Variants in SH3D19 observed in about 807,000 individuals in gnomAD.
The protein encoded by SH3D19 is SH3 domain-containing protein 19.
Under a neutral mutation model 112.1 loss-of-function variants are expected in SH3D19, and 58 were observed. That is an observed-to-expected ratio of 0.52 (90% CI 0.42 to 0.64). The LOEUF (loss-of-function observed/expected upper bound fraction) is 0.64, where lower values mean the gene tolerates loss of function less well. Among genes scored for constraint, SH3D19 ranks in the 30% least tolerant of loss-of-function variants. The pLI is 0.00. For missense variants in SH3D19, 1,090 were observed against 1,263.4 expected (o/e 0.86, Z 2.08); for synonymous variants, 391 against 448.5 (o/e 0.87, Z 1.62).
At chr4:151,138,258 G>A (rs890243818) in intron 13 of SH3D19, among the ~76,000 whole-genome samples, 1 of 152,130 alleles carries the variant, frequency 6.6e-6, no homozygotes, top group South Asian at 2.1e-4. Context: ...TATTAACTAA[G>A]GGAGTACTAC....
In SH3D19 at chr4:151,149,487, C is replaced by G; in HGVS notation, c.1817+13G>C. ...TCATTAATTTTTCTCTAACTTTTCC[C>G]ACATTTACTTACCTCGGTGGCAACC... On this transcript the variant is annotated intron_variant, in intron 10 of 19. Transcript: ENST00000604030. 2 of 1,606,770 alleles carry G rather than the reference C, an allele frequency of 1.2e-6. No individual in the cohort carries two copies. Among genetic ancestry groups the G allele is most frequent in the Non-Finnish European group, 1.7e-6 (2 of 1,175,580 alleles).
chr4:151,241,943 AGCATTTTGGGAG>A (rs1770590202), intron 1 of SH3D19, among the ~76,000 whole-genome samples: 1 of 152,150 alleles, frequency 6.6e-6, no homozygotes, highest in Non-Finnish European at 1.5e-5. Flanking sequence ...CTGTAATCCC[AGCATTTTGGGAG>A]GCTGCGGTGT....
chr4:151,164,068 A>T (rs1757584726), intron 8 of SH3D19, among the ~76,000 whole-genome samples: 2 of 152,210 alleles, frequency 1.3e-5, no homozygotes, highest in African/African-American at 4.8e-5. Context: ...AATCATCAAA[A>T]AACTGAAACC....
intron 12 of SH3D19, chr4:151,141,188 C>A (rs1005178544): frequency 3.3e-5 from 5 of 151,808 alleles, no homozygotes; most frequent in Non-Finnish European, 7.4e-5. Flanking sequence ...TGTAGTGGCA[C>A]AATCACAGCT....
At chr4:151,312,544 C>G (rs548496340) in intron 1 of SH3D19, among the ~76,000 whole-genome samples, 3 of 152,142 alleles carry the variant, frequency 2.0e-5, no homozygotes, top group Non-Finnish European at 4.4e-5. Flanking sequence ...TAACTGAGGG[C>G]CTTGTTGCTC....
At chr4:151,191,253 T>C (rs1301050541) in intron 2 of SH3D19, among the ~76,000 whole-genome samples, 1 of 152,234 alleles carries the variant, frequency 6.6e-6, no homozygotes, top group East Asian at 1.9e-4. Flanking sequence ...GGACATGCCT[T>C]GTCTCAGATG....
intron 9 of SH3D19, among the ~76,000 whole-genome samples, chr4:151,157,142 C>T (rs1351740280): frequency 6.6e-6 from 1 of 152,028 alleles, no homozygotes; most frequent in Admixed American, 6.6e-5. Context: ...GTTCCAGCTA[C>T]TCAGGAGGCT....
At position 151,175,670 on chromosome 4, in the gene SH3D19, T is replaced by C; in HGVS notation, c.534A>G (p.Leu178=). 4.7e-6 allele frequency: 6 copies of C among 1,267,730 alleles called. No homozygotes were observed. The highest frequency in any genetic ancestry group is 5.0e-6 in the Non-Finnish European group (5 of 1,009,922). The allele number at this position is 1,267,730 out of a possible 1,614,324, so 78.5% of individuals were successfully genotyped here. ...EEIDNDLPQT[L]QAPLKPLQPF... ...GCTGAAGAGGCTTGAGAGGTGCCTG[T>C]AGTGCTGACGAGACCAAAACAAAAC... The change falls in exon 7 of 20, where the codon CTA becomes CTG. Residue 178 remains leucine, a synonymous_variant. Coordinates refer to ENST00000604030, the MANE Select transcript of SH3D19 (RefSeq NM_001378122.1).
intron 1 of SH3D19, among the ~76,000 whole-genome samples, chr4:151,310,934 T>G (rs1729393659): frequency 6.6e-6 from 1 of 150,808 alleles, no homozygotes; most frequent in South Asian, 2.1e-4. Flanking sequence ...TTATTCACAA[T>G]AGCCAAGATA....
chr4:151,304,745 G>A, intron 1 of SH3D19, among the ~76,000 whole-genome samples: 1 of 152,116 alleles, frequency 6.6e-6, no homozygotes, highest in East Asian at 1.9e-4. Context: ...ACATATTCCT[G>A]GGAATCTAGA....
At chr4:151,253,185 T>C (rs150966255) in intron 1 of SH3D19, among the ~76,000 whole-genome samples, 13 of 152,216 alleles carry the variant, frequency 8.5e-5, no homozygotes, top group African/African-American at 2.9e-4. Flanking sequence ...TGTGTGACCT[T>C]ATTTCTCACC....
chr4:151,316,094 T>A (rs1484918246), intron 1 of SH3D19, among the ~76,000 whole-genome samples: 1 of 152,026 alleles, frequency 6.6e-6, no homozygotes, highest in Non-Finnish European at 1.5e-5. Context: ...GTAATCAAGG[T>A]CAGTAGAAAA....
rs536130975 is a variant in SH3D19, at chr4:151,167,023, C to T, written c.1535-1327G>A. On this transcript the variant is annotated intron_variant, in intron 7 of 19. Coordinates refer to ENST00000604030, the MANE Select transcript of SH3D19 (RefSeq NM_001378122.1). ...TCTTATCTACCACTTAGGAAGGGTC[C>T]CCAGATGGCAAGCTAGCTAAAATTA... Among the ~76,000 whole-genome samples the T allele has an allele frequency of 2.6e-5, 4 of 151,942 alleles. No individual in the cohort carries two copies. The South Asian group carries it at 6.2e-4, about 24-fold the overall frequency.
chr4:151,212,629 T>C (rs896962947), intron 2 of SH3D19, among the ~76,000 whole-genome samples: 1 of 152,200 alleles, frequency 6.6e-6, no homozygotes, highest in African/African-American at 2.4e-5. Context: ...TTACTGCTCA[T>C]TGACAATGCA....
At chr4:151,294,931 G>A (rs1477355726) in intron 1 of SH3D19, among the ~76,000 whole-genome samples, 1 of 152,182 alleles carries the variant, frequency 6.6e-6, no homozygotes, top group Non-Finnish European at 1.5e-5. Context: ...GGCCTAAACA[G>A]AGGAGGGAAG....
intron 7 of SH3D19, among the ~76,000 whole-genome samples, chr4:151,168,104 T>A (rs1758411871): frequency 6.6e-6 from 1 of 152,170 alleles, no homozygotes; most frequent in Non-Finnish European, 1.5e-5. Flanking sequence ...TTCATGGAGC[T>A]TGCATTCCAG....
chr4:151,170,565 T>G (rs1474569459), intron 7 of SH3D19: 2 of 152,186 alleles, frequency 1.3e-5, no homozygotes, highest in African/African-American at 4.8e-5. Context: ...TAGCTTCTAT[T>G]TGTAACCTTG....
At chr4:151,186,926 C>T (rs947081857) in intron 3 of SH3D19, among the ~76,000 whole-genome samples, 4 of 151,654 alleles carry the variant, frequency 2.6e-5, no homozygotes, top group Non-Finnish European at 5.9e-5. Flanking sequence ...TCCCAAGTAG[C>T]TGGGACTACA....
At chr4:151,220,153 G>C (rs1172035492) in intron 2 of SH3D19, among the ~76,000 whole-genome samples, 6 of 152,180 alleles carry the variant, frequency 3.9e-5, no homozygotes, top group African/African-American at 1.4e-4. Flanking sequence ...GCTGACAAAA[G>C]ACTGTCTTAA....
Sources: gnomAD v4.1 joint callset for allele counts (sites outside exome capture counted in the v4.1 genomes callset) on GRCh38, gnomAD v4.1.1 for gene constraint, MANE v1.5 for transcripts, NCBI Gene and HGNC (gene_info 2026-07-23, HGNC 2026-07-21) for gene names.